H2BC18: variants seen among roughly 807,000 people sequenced by gnomAD.
H2BC18 encodes H2B clustered histone 18.
H2BC18 carries 8 observed loss-of-function variants against 6.3 expected under a neutral mutation model. The observed-to-expected ratio is 1.28, with a 90% CI of 0.75 to 2.31. The LOEUF (loss-of-function observed/expected upper bound fraction) is 2.31, where lower values mean the gene tolerates loss of function less well. H2BC18 is among the 30% of genes most tolerant of loss of function. The pLI, the probability that H2BC18 is intolerant of heterozygous loss-of-function variation, is 0.00. For synonymous variants in H2BC18, 104 were observed against 78.1 expected (o/e 1.33, Z -1.75); for missense variants, 106 against 174.5 (o/e 0.61, Z 2.21).
chr1:149,811,404 G>A (rs1438261839), downstream of H2BC18: 2 of 157,442 alleles, frequency 1.3e-5, no homozygotes, highest in Non-Finnish European at 2.8e-5. Context: ...GTCAGGACTT[G>A]CAAAAAGGCT....
At chr1:149,784,295 A>C in intron 1 of H2BC18, 15 of 1,609,566 alleles carry the variant, frequency 9.3e-6, no homozygotes, top group Non-Finnish European at 1.3e-5. Context: ...GGAAACCACA[A>C]GGTCTTCCTC....
At chr1:149,802,337 G>A (rs2091880798) in intron 1 of H2BC18, among the ~76,000 whole-genome samples, 1 of 151,984 alleles carries the variant, frequency 6.6e-6, no homozygotes, top group Non-Finnish European at 1.5e-5. Flanking sequence ...TAATCCTATG[G>A]CTAATATATA....
chr1:149,786,611 C>T (rs1378692741), intron 1 of H2BC18: 3 of 151,900 alleles, frequency 2.0e-5, no homozygotes, highest in African/African-American at 2.4e-5. Flanking sequence ...TGGACCCGAG[C>T]CCTAATCATA....
At chr1:149,803,052 G>A (rs1474264413) in intron 1 of H2BC18, among the ~76,000 whole-genome samples, 2 of 152,070 alleles carry the variant, frequency 1.3e-5, no homozygotes, top group African/African-American at 4.8e-5. Flanking sequence ...AGCTATCTAG[G>A]CATCCTTTAA....
At chr1:149,784,879 A>G (rs1553750651) in intron 1 of H2BC18, among the ~76,000 whole-genome samples, 1 of 151,856 alleles carries the variant, frequency 6.6e-6, no homozygotes, top group Non-Finnish European at 1.5e-5. Flanking sequence ...AATTAATTTA[A>G]CCATTCTGCC....
At chr1:149,787,601 AC>A in intron 1 of H2BC18, 1 of 152,476 alleles carries the variant, frequency 6.6e-6, no homozygotes, top group African/African-American at 2.4e-5. Flanking sequence ...TTGCTGTGTA[AC>A]AAATTTAGCA....
chr1:149,786,957 A>G (rs1213975884), intron 1 of H2BC18: 2 of 152,176 alleles, frequency 1.3e-5, no homozygotes, highest in East Asian at 3.8e-4. Context: ...TGAAAAGCAT[A>G]TGAATTTTCT....
intron 1 of H2BC18, among the ~76,000 whole-genome samples, chr1:149,798,618 TAA>T (rs60311651): frequency 5.4e-4 from 75 of 139,456 alleles, no homozygotes; most frequent in Admixed American, 7.2e-4. Context: ...AAACCGACTT[TAA>T]AAAAAAAAAA....
rs1412336916 is a variant in H2BC18 at position 149,795,978 on chromosome 1, C to G, written c.378-12718G>C. Among the ~76,000 whole-genome samples, 4 of 151,382 alleles carry G rather than the reference C, an allele frequency of 2.6e-5. No homozygotes were observed. The South Asian group carries it at 8.3e-4, about 31-fold the overall frequency. On this transcript the variant is annotated intron_variant, in intron 1 of 1. Transcript: ENST00000545683. ...GCAACGGAAAGCAGGATGTCACACA[C>G]ACACAAAGCTAGTAATGTGAAAATC...
rs373323235 is a variant in H2BC18, at chr1:149,800,980, G to A, written c.377+10967C>T. 4.6e-5 allele frequency among the ~76,000 whole-genome samples: 7 copies of A among 152,342 alleles called. No homozygotes were observed. In the East Asian group the frequency reaches 1.2e-3, roughly 25 times the overall value. ...ACATGCCTGTGGTCCCAACTACTAG[G>A]GAGGCTGAGGTGGGAGGAGAGCTTG... On this transcript the variant is annotated intron_variant, in intron 1 of 1. Transcript: ENST00000545683.
chr1:149,807,158 T>C (rs2091924812), downstream of H2BC18, among the ~76,000 whole-genome samples: 1 of 152,140 alleles, frequency 6.6e-6, no homozygotes, highest in African/African-American at 2.4e-5. Flanking sequence ...CCAAGAGGAT[T>C]GTCTGATAAA....
At chr1:149,807,472 A>G (rs1244403277), downstream of H2BC18, among the ~76,000 whole-genome samples, 4 of 130,122 alleles carry the variant, frequency 3.1e-5, no homozygotes, top group Admixed American at 2.7e-4. Flanking sequence ...AGACTGGGTG[A>G]CAGAGCAAGA....
chr1:149,792,668 C>T (rs587610631), intron 1 of H2BC18: 6 of 1,278,086 alleles, frequency 4.7e-6, no homozygotes, highest in Admixed American at 4.7e-5. Flanking sequence ...GGGGCCGCAG[C>T]CGCCAGCGCC....
chr1:149,812,132 G>A lies in H2BC18; in HGVS notation c.192C>T (p.Asn64=). Reference sequence around the variant, plus strand: ...GCTCGAAGATGTCGTTGACGAAGGAGTTCATGATGCCCATGGCCTTGGACG... The same window carrying A: ...GCTCGAAGATGTCGTTGACGAAGGAATTCATGATGCCCATGGCCTTGGACG... ...GISSKAMGIM[N]SFVNDIFERI... Residue 64 remains asparagine, a synonymous_variant, in exon 1 of 1, where the codon AAC becomes AAT. Coordinates refer to ENST00000369167, the MANE Select transcript of H2BC18 (RefSeq NM_001024599.5). 6.2e-7 allele frequency: 1 copy of A among 1,614,280 alleles called. No homozygotes were observed. The highest frequency in any genetic ancestry group is 8.5e-7 in the Non-Finnish European group (1 of 1,180,054).
At chr1:149,801,661 C>T (rs1473439698) in intron 1 of H2BC18, among the ~76,000 whole-genome samples, 2 of 149,514 alleles carry the variant, frequency 1.3e-5, no homozygotes, top group African/African-American at 2.5e-5. Context: ...ATGGCATATC[C>T]GGGTGATTTT....
chr1:149,788,263 C>T, intron 1 of H2BC18: 2 of 1,608,556 alleles, frequency 1.2e-6, no homozygotes, highest in Non-Finnish European at 1.7e-6. Flanking sequence ...AGCTCTGAGG[C>T]TGGATGTTGC....
At chr1:149,808,587 CA>C (rs2091944744), downstream of H2BC18, among the ~76,000 whole-genome samples, 2 of 152,082 alleles carry the variant, frequency 1.3e-5, no homozygotes, top group Non-Finnish European at 2.9e-5. Context: ...GAAAATATTA[CA>C]ACCTGGCTGA....
At chr1:149,788,513 A>C (rs782684629) in intron 1 of H2BC18, 12 of 1,613,810 alleles carry the variant, frequency 7.4e-6, no homozygotes, top group Non-Finnish European at 1.0e-5. Context: ...TGGAATTCTA[A>C]CCTCACCATT....
At chr1:149,788,729 G>A (rs2091618457) in intron 1 of H2BC18, 2 of 1,320,580 alleles carry the variant, frequency 1.5e-6, no homozygotes, top group Non-Finnish European at 2.1e-6. Context: ...GCTCCAGAGA[G>A]GTAAACTGCA....
Sources: gnomAD v4.1 joint callset for allele counts (sites outside exome capture counted in the v4.1 genomes callset) on GRCh38, gnomAD v4.1.1 for gene constraint, MANE v1.5 for transcripts, NCBI Gene and HGNC (gene_info 2026-07-23, HGNC 2026-07-21) for gene names.